The following FBLN2 variants were observed in gnomAD, a reference collection of about 807,000 sequenced individuals.
FBLN2 encodes fibulin-2.
Under a neutral mutation model 123.7 loss-of-function variants are expected in FBLN2, and 81 were observed. The observed-to-expected ratio is 0.65, with a 90% CI of 0.55 to 0.79. FBLN2 has a LOEUF of 0.79. Among genes scored for constraint, FBLN2 ranks in the 30% least tolerant of loss-of-function variants. The pLI, the probability that FBLN2 is intolerant of heterozygous loss-of-function variation, is 0.00. For missense variants in FBLN2, 1,603 were observed against 1,681.3 expected, an observed-to-expected ratio of 0.95 and a Z score of 0.81; for synonymous variants, 699 against 701.4, an observed-to-expected ratio of 1.00 and a Z score of 0.05.
At position 13,634,337 on chromosome 3, in the gene FBLN2, G is replaced by A. The variant is rs1017372466; in HGVS notation, c.3215-2108G>A. Among the ~76,000 whole-genome samples the A allele has an allele frequency of 5.9e-5, 9 of 152,340 alleles. No homozygotes were observed. In the East Asian group the frequency reaches 7.7e-4, roughly 13 times the overall value. On this transcript the variant is annotated intron_variant, in intron 16 of 17. Transcript: ENST00000404922. ...CTGCGCTCTCCAGGGGCCTGGCAGC[G>A]CCGATGGGCGAGGCCCTGGGGCGTT...
At chr3:13,612,279 CT>C in intron 4 of FBLN2, among the ~76,000 whole-genome samples, 1 of 130,070 alleles carries the variant, frequency 7.7e-6, no homozygotes, top group Non-Finnish European at 1.7e-5. Context: ...TTTTCCTTTT[CT>C]TTTCTTTTAT....
intron 4 of FBLN2, 134 bp from the exon 5 acceptor site, chr3:13,613,850 G>A (rs1263756644): frequency 1.0e-6 from 1 of 980,046 alleles, no homozygotes; most frequent in Admixed American, 2.8e-5. Flanking sequence ...GGACCCCTCT[G>A]CCCTGGGAGA....
intron 1 of FBLN2, among the ~76,000 whole-genome samples, chr3:13,554,848 C>T (rs925505641): frequency 7.2e-5 from 11 of 152,160 alleles, no homozygotes; most frequent in South Asian, 6.2e-4. Flanking sequence ...GTTTCACCAC[C>T]GTGTTTTCGG....
chr3:13,590,513 A>G (rs1704636922), intron 2 of FBLN2, among the ~76,000 whole-genome samples: 1 of 151,906 alleles, frequency 6.6e-6, no homozygotes, highest in African/African-American at 2.4e-5. Flanking sequence ...TTTAGTAGAG[A>G]CGGGGTTTTA....
At chr3:13,613,674 T>C (rs569567645) in intron 4 of FBLN2, among the ~76,000 whole-genome samples, 82 of 152,214 alleles carry the variant, frequency 5.4e-4, no homozygotes, top group Non-Finnish European at 9.8e-4. Flanking sequence ...GGAAATGCCA[T>C]CTTTTAACTG....
At chr3:13,552,246 G>A (rs1239658301) in intron 1 of FBLN2, among the ~76,000 whole-genome samples, 1 of 152,090 alleles carries the variant, frequency 6.6e-6, no homozygotes, top group Non-Finnish European at 1.5e-5. Context: ...GCAGCTTCCA[G>A]GTGAGAGAAG....
At chr3:13,610,518 A>G (rs1447642034) in intron 4 of FBLN2, among the ~76,000 whole-genome samples, 3 of 152,162 alleles carry the variant, frequency 2.0e-5, no homozygotes, top group African/African-American at 7.2e-5. Flanking sequence ...GTCTGGCAGC[A>G]GTAGAGACAG....
At position 13,586,502 on chromosome 3, in the gene FBLN2, T is replaced by TG. The variant is rs1704506517; in HGVS notation, c.1306+14841_1306+14842insG. On this transcript the variant is annotated intron_variant, in intron 2 of 17. Coordinates refer to ENST00000404922, the MANE Select transcript of FBLN2 (RefSeq NM_001004019.2). ...CTGGCGTATGTCTTAGTTGTTTTTT[T>TG]TTTTTTTTTTATTGAAATGGAGTCT... Among the ~76,000 whole-genome samples, 5 of 148,400 alleles carry TG rather than the reference T, an allele frequency of 3.4e-5. No homozygotes were observed. In the South Asian group the frequency reaches 1.1e-3, roughly 34 times the overall value.
chr3:13,561,129 C>T (rs1320823697), intron 1 of FBLN2, among the ~76,000 whole-genome samples: 3 of 152,148 alleles, frequency 2.0e-5, no homozygotes, highest in African/African-American at 7.2e-5. Context: ...GGTGACAACT[C>T]CTGCTTGACT....
intron 1 of FBLN2, among the ~76,000 whole-genome samples, chr3:13,565,978 G>A (rs1703736349): frequency 1.3e-5 from 2 of 152,254 alleles, no homozygotes; most frequent in Non-Finnish European, 2.9e-5. Context: ...TTCCTGATGG[G>A]TGCAAGGGAG....
intron 9 of FBLN2, among the ~76,000 whole-genome samples, chr3:13,623,582 C>T (rs918611614): frequency 2.0e-5 from 3 of 152,188 alleles, no homozygotes; most frequent in Non-Finnish European, 4.4e-5. Flanking sequence ...GTCCACTGGG[C>T]TCTCCTGCAG....
chr3:13,566,412 G>A (rs764306032), intron 1 of FBLN2: 1 of 152,314 alleles, frequency 6.6e-6, no homozygotes, highest in Non-Finnish European at 1.5e-5. Flanking sequence ...CCCTGCCCTG[G>A]AGGGAGTGTT....
intron 4 of FBLN2, among the ~76,000 whole-genome samples, chr3:13,610,633 T>A (rs764982505): frequency 1.1e-4 from 17 of 152,094 alleles, no homozygotes; most frequent in Non-Finnish European, 1.8e-4. Context: ...CAGCAGGAGA[T>A]CAGTTTGTCT....
At position 13,628,995 on chromosome 3, in the gene FBLN2, C is replaced by A. The variant is rs534802167; in HGVS notation, c.2660C>A (p.Pro887Gln). Residue 887 changes from proline to glutamine, a missense_variant, in exon 12 of 18, where the codon CCG (proline) becomes CAG (glutamine). By Grantham distance (76) the Pro-to-Gln change is moderately conservative. Transcript: ENST00000404922. The part of the protein sequence containing the change: ...TVGSYTCQRN[P>Q]LICARGYHAS... Reference sequence around the variant, plus strand: ...GGCTCCTACACATGCCAGAGGAACCCGCTGATCTGCGCGCGCGGCTACCAC... The same window carrying A: ...GGCTCCTACACATGCCAGAGGAACCAGCTGATCTGCGCGCGCGGCTACCAC... 1 of 1,613,502 alleles carries A rather than the reference C, an allele frequency of 6.2e-7. No homozygotes were observed. Among genetic ancestry groups the A allele is most frequent in the East Asian group, 2.2e-5 (1 of 44,862 alleles).
chr3:13,627,787 C>A, intron 10 of FBLN2, 45 bp from the exon 11 acceptor site: 3 of 1,580,012 alleles, frequency 1.9e-6, no homozygotes, highest in South Asian at 1.2e-5. Flanking sequence ...AGTGTAAAGG[C>A]AGGACCTGCC....
intron 16 of FBLN2, among the ~76,000 whole-genome samples, chr3:13,632,914 A>C (rs1706306502): frequency 6.6e-6 from 1 of 152,160 alleles, no homozygotes; most frequent in African/African-American, 2.4e-5. Flanking sequence ...GCTCGGCAGG[A>C]AATATGGCTT....
At position 13,637,693 on chromosome 3, in the gene FBLN2, C is replaced by G; in HGVS notation, c.3470C>G (p.Pro1157Arg). Reference protein sequence around the residue: ...PAHIFRIGPAPAFTGDTIALN... With the variant: ...PAHIFRIGPARAFTGDTIALN... ...CATATCTTCCGCATTGGCCCCGCGC[C>G]AGCCTTCACGGGGGACACCATCGCC... The change falls in exon 18 of 18, where the codon CCA becomes CGA. Residue 1157 changes from proline (P) to arginine (R), a missense_variant. By Grantham distance (103) the Pro-to-Arg change is moderately radical. Coordinates refer to ENST00000404922, the MANE Select transcript of FBLN2 (RefSeq NM_001004019.2). 6.2e-7 allele frequency: 1 copy of G among 1,614,010 alleles called. No individual in the cohort carries two copies. The highest frequency in any genetic ancestry group is 8.5e-7 in the Non-Finnish European group (1 of 1,179,892).
intron 2 of FBLN2, among the ~76,000 whole-genome samples, chr3:13,590,113 A>C (rs1704622914): frequency 6.6e-6 from 1 of 152,026 alleles, no homozygotes; most frequent in Non-Finnish European, 1.5e-5. Context: ...TCAGTTCTTA[A>C]CCCCATCGCT....
At chr3:13,598,207 C>T (rs1470806441) in intron 2 of FBLN2, among the ~76,000 whole-genome samples, 2 of 152,210 alleles carry the variant, frequency 1.3e-5, no homozygotes, top group African/African-American at 2.4e-5. Flanking sequence ...AGTCACCAAG[C>T]GTCTTTTATG....
Sources: allele counts gnomAD v4.1 joint callset (sites outside exome capture counted in the v4.1 genomes callset), GRCh38; gene constraint gnomAD v4.1.1; transcripts MANE v1.5; gene names NCBI Gene and HGNC (gene_info 2026-07-23, HGNC 2026-07-21).